Variants in ADAMTSL3 observed in about 807,000 individuals in gnomAD.
ADAMTSL3 encodes ADAMTS-like protein 3.
ADAMTSL3 carries 128 observed loss-of-function variants against 201.7 expected under a neutral mutation model. The ratio of observed to expected loss-of-function variants is 0.63; its 90% CI spans 0.55 to 0.73. ADAMTSL3 has a LOEUF of 0.73. ADAMTSL3 is among the 30% of genes least tolerant of loss of function. The probability of loss-of-function intolerance (pLI) is 0.00; values close to 1 mark genes in which losing one functional copy is unlikely to be tolerated. For missense variants in ADAMTSL3, 1,990 were observed against 2,119.6 expected (o/e 0.94, Z 1.20); for synonymous variants, 738 against 748.4 (o/e 0.99, Z 0.23).
At chr15:83,828,199 C>T (rs998678974) in intron 6 of ADAMTSL3, among the ~76,000 whole-genome samples, 4 of 152,110 alleles carry the variant, frequency 2.6e-5, no homozygotes, top group Middle Eastern at 3.2e-3. Flanking sequence ...TCTTTTATTT[C>T]GTTGAGCAGT....
intron 5 of ADAMTSL3, among the ~76,000 whole-genome samples, chr15:83,806,824 G>A (rs1431743467): frequency 6.6e-6 from 1 of 152,162 alleles, no homozygotes; most frequent in Non-Finnish European, 1.5e-5. Flanking sequence ...CTGCACTCCA[G>A]CCTGGGTGAC....
intron 3 of ADAMTSL3, among the ~76,000 whole-genome samples, chr15:83,720,369 T>C (rs1195606102): frequency 2.0e-5 from 3 of 152,214 alleles, no homozygotes; most frequent in African/African-American, 7.2e-5. Context: ...ATTAAACATT[T>C]CTTCCATAGA....
chr15:83,821,675 T>C (rs1334660052), intron 6 of ADAMTSL3, among the ~76,000 whole-genome samples: 1 of 152,198 alleles, frequency 6.6e-6, no homozygotes, highest in Non-Finnish European at 1.5e-5. Flanking sequence ...ATCCGATTTC[T>C]CAATCTTTTC....
intron 3 of ADAMTSL3, among the ~76,000 whole-genome samples, chr15:83,755,060 A>G (rs549740510): frequency 1.3e-5 from 2 of 152,290 alleles, no homozygotes; most frequent in East Asian, 3.9e-4. Context: ...GTTTAAATGG[A>G]TTAAATGCTC....
intron 3 of ADAMTSL3, among the ~76,000 whole-genome samples, chr15:83,744,780 G>GC (rs1189001557): frequency 6.6e-6 from 1 of 152,206 alleles, no homozygotes. Flanking sequence ...TTTTCAGTCA[G>GC]TGGTTTGTCA....
In ADAMTSL3 at chr15:83,707,778, G is replaced by A. The variant is rs557605973; in HGVS notation, c.189+3270G>A. Among the ~76,000 whole-genome samples the A allele has an allele frequency of 5.9e-5, 9 of 152,270 alleles. No homozygotes were observed. The South Asian group carries it at 1.9e-3, about 32-fold the overall frequency. On this transcript the variant is annotated intron_variant, in intron 3 of 29. Transcript: ENST00000286744. Reference sequence around the variant, plus strand: ...TCTGAGAGATTCAACCCAGTTGCTGGATCCAACATAATATAGGGTTTAATG... The same window carrying A: ...TCTGAGAGATTCAACCCAGTTGCTGAATCCAACATAATATAGGGTTTAATG...
At chr15:83,907,928 A>G (rs1242789459) in intron 15 of ADAMTSL3, among the ~76,000 whole-genome samples, 1 of 152,178 alleles carries the variant, frequency 6.6e-6, no homozygotes, top group South Asian at 2.1e-4. Flanking sequence ...CGGCAGTTTT[A>G]TTTTTAAGTC....
chr15:83,693,052 G>A (rs534707444), intron 2 of ADAMTSL3, among the ~76,000 whole-genome samples: 1 of 152,188 alleles, frequency 6.6e-6, no homozygotes, highest in African/African-American at 2.4e-5. Flanking sequence ...GGAAGAGCTG[G>A]TAATGCTTTT....
At chr15:83,857,212 A>G (rs1596320569) in intron 7 of ADAMTSL3, among the ~76,000 whole-genome samples, 1 of 152,120 alleles carries the variant, frequency 6.6e-6, no homozygotes, top group African/African-American at 2.4e-5. Flanking sequence ...TATATGCTAG[A>G]TAATAACCCC....
At chr15:83,682,325 A>G (rs191972721) in intron 2 of ADAMTSL3, among the ~76,000 whole-genome samples, 9 of 152,336 alleles carry the variant, frequency 5.9e-5, no homozygotes, top group Admixed American at 5.9e-4. Context: ...CTACACCTAT[A>G]GCTCACCAGA....
At chr15:83,888,588 G>A (rs576412672) in intron 10 of ADAMTSL3, among the ~76,000 whole-genome samples, 20 of 152,212 alleles carry the variant, frequency 1.3e-4, no homozygotes, top group African/African-American at 4.6e-4. Flanking sequence ...TTAGTTCATC[G>A]GTCTCTAAGG....
intron 17 of ADAMTSL3, among the ~76,000 whole-genome samples, chr15:83,928,855 T>G (rs2066296543): frequency 6.6e-6 from 1 of 152,206 alleles, no homozygotes; most frequent in Non-Finnish European, 1.5e-5. Flanking sequence ...CCTGAGTTTC[T>G]TTTTTGAGTG....
intron 27 of ADAMTSL3, among the ~76,000 whole-genome samples, chr15:84,030,438 C>T (rs73445116): frequency 0.011 from 1,742 of 152,266 alleles, 34 homozygotes; most frequent in African/African-American, 0.04. Flanking sequence ...TTGACTGCCC[C>T]ATTGGATTTT....
intron 7 of ADAMTSL3, among the ~76,000 whole-genome samples, chr15:83,847,309 C>T (rs2064518490): frequency 6.6e-6 from 1 of 152,156 alleles, no homozygotes; most frequent in Non-Finnish European, 1.5e-5. Context: ...CCCCCATTTG[C>T]AAAGTAGTGT....
At chr15:83,795,200 C>T (rs1464001146) in intron 4 of ADAMTSL3, among the ~76,000 whole-genome samples, 1 of 151,884 alleles carries the variant, frequency 6.6e-6, no homozygotes, top group Non-Finnish European at 1.5e-5. Context: ...TTTTAAAAAA[C>T]TAGAAATGCC....
At chr15:83,685,959 C>G (rs1291119357) in intron 2 of ADAMTSL3, among the ~76,000 whole-genome samples, 1 of 152,174 alleles carries the variant, frequency 6.6e-6, no homozygotes, top group Non-Finnish European at 1.5e-5. Flanking sequence ...CGTAGAGAAA[C>G]CCCGCAATGG....
At chr15:83,658,256 A>T (rs1017364525) in intron 2 of ADAMTSL3, among the ~76,000 whole-genome samples, 2 of 152,048 alleles carry the variant, frequency 1.3e-5, no homozygotes, top group African/African-American at 4.8e-5. Flanking sequence ...CTACAGGCGC[A>T]CACTACCACA....
chr15:83,755,716 TATAAC>T (rs1424551719), intron 3 of ADAMTSL3, among the ~76,000 whole-genome samples: 1 of 152,218 alleles, frequency 6.6e-6, no homozygotes, highest in Non-Finnish European at 1.5e-5. Flanking sequence ...ATACTGCTGT[TATAAC>T]AGAGTGGTAC....
chr15:83,661,326 T>C (rs2061160328), intron 2 of ADAMTSL3, among the ~76,000 whole-genome samples: 1 of 151,298 alleles, frequency 6.6e-6, no homozygotes, highest in Non-Finnish European at 1.5e-5. Flanking sequence ...AAGAAAGGCA[T>C]TGGTAGCTTG....
Sources: allele counts gnomAD v4.1 joint callset (sites outside exome capture counted in the v4.1 genomes callset), GRCh38; gene constraint gnomAD v4.1.1; transcripts MANE v1.5; gene names NCBI Gene and HGNC (gene_info 2026-07-23, HGNC 2026-07-21).